MSI2: variants seen among roughly 807,000 people sequenced by gnomAD.
MSI2 encodes musashi RNA binding protein 2.
In MSI2, 17 loss-of-function variants were observed where a neutral mutation model predicts 45.6. The ratio of observed to expected loss-of-function variants is 0.37; its 90% CI spans 0.26 to 0.56. The LOEUF is 0.56. Among genes scored for constraint, MSI2 ranks in the 20% least tolerant of loss-of-function variants. MSI2 has a pLI of 0.77. For missense variants in MSI2, 293 were observed against 444.2 expected (o/e 0.66, Z 3.06); for synonymous variants, 156 against 158.2 (o/e 0.99, Z 0.11).
intron 10 of MSI2, chr17:57,631,916 C>G: frequency 6.4e-7 from 1 of 1,560,778 alleles, no homozygotes; most frequent in South Asian, 1.2e-5. Flanking sequence ...GCCCCCGCTC[C>G]AGTCAATGCT....
At chr17:57,579,103 G>A (rs2088130929) in intron 7 of MSI2, among the ~76,000 whole-genome samples, 1 of 152,214 alleles carries the variant, frequency 6.6e-6, no homozygotes, top group African/African-American at 2.4e-5. Flanking sequence ...CATATGGTAT[G>A]TGATTATCTG....
At chr17:57,556,715 G>C (rs1055311678) in intron 7 of MSI2, among the ~76,000 whole-genome samples, 1 of 152,226 alleles carries the variant, frequency 6.6e-6, no homozygotes, top group African/African-American at 2.4e-5. Context: ...GCGGCACTAT[G>C]ACGAGGGTCA....
At chr17:57,410,084 C>A (rs1420023496) in intron 6 of MSI2, among the ~76,000 whole-genome samples, 1 of 148,770 alleles carries the variant, frequency 6.7e-6, no homozygotes, top group Non-Finnish European at 1.5e-5. Context: ...GATTCCTCCT[C>A]GTAGGGAGAA....
At chr17:57,490,014 G>C (rs1458770618) in intron 6 of MSI2, among the ~76,000 whole-genome samples, 1 of 152,124 alleles carries the variant, frequency 6.6e-6, no homozygotes, top group Non-Finnish European at 1.5e-5. Context: ...AATTCTCATA[G>C]GAGACTGAAA....
chr17:57,299,104 C>G (rs983590559), intron 5 of MSI2, among the ~76,000 whole-genome samples: 2 of 152,216 alleles, frequency 1.3e-5, no homozygotes, highest in Non-Finnish European at 2.9e-5. Context: ...TCCAGTTTTT[C>G]TTCTGCACTT....
At chr17:57,581,002 A>ATTTTTTTTTTTTTTTTT (rs1567914151) in intron 7 of MSI2, among the ~76,000 whole-genome samples, 1 of 58,248 alleles carries the variant, frequency 1.7e-5, no homozygotes, top group African/African-American at 6.6e-5. Flanking sequence ...TGAGGTCAGC[A>ATTTTTTTTTTTTTTTTT]TCTTTTTTTT....
rs551524770 is a variant in MSI2 at position 57,447,443 on chromosome 17, G to A, written c.405+45972G>A. 2.6e-5 allele frequency among the ~76,000 whole-genome samples: 4 copies of A among 152,256 alleles called. No homozygotes were observed. The Middle Eastern group carries it at 0.014, about 518-fold the overall frequency. ...TAAATCACGCTTCTCTGGAAGGGCG[G>A]CCCCTGGATAGGGGGGACCAGTTGT... On this transcript the variant is annotated intron_variant, in intron 6 of 13. Coordinates refer to ENST00000284073, the MANE Select transcript of MSI2 (RefSeq NM_138962.4).
intron 6 of MSI2, among the ~76,000 whole-genome samples, chr17:57,458,099 C>CTT (rs545653222): frequency 0.029 from 3,921 of 133,998 alleles, 250 homozygotes; most frequent in African/African-American, 0.1. Flanking sequence ...ATATATATAC[C>CTT]TTTTTTTTTT....
At chr17:57,567,921 C>T (rs2087776603) in intron 7 of MSI2, among the ~76,000 whole-genome samples, 1 of 152,186 alleles carries the variant, frequency 6.6e-6, no homozygotes, top group Non-Finnish European at 1.5e-5. Flanking sequence ...TTACTGAATC[C>T]TTCCAATAAC....
chr17:57,363,728 G>A (rs1256482210), intron 5 of MSI2, among the ~76,000 whole-genome samples: 5 of 150,406 alleles, frequency 3.3e-5, no homozygotes, highest in African/African-American at 4.9e-5. Flanking sequence ...AACAGAGTGA[G>A]ATTCTGTCTG....
chr17:57,696,817 G>A, the MSI2 span, among the ~76,000 whole-genome samples: 1 of 152,050 alleles, frequency 6.6e-6, no homozygotes, highest in African/African-American at 2.4e-5. Context: ...TTGAGTAAAG[G>A]GGTGATGTGA....
In MSI2 at chr17:57,659,663, G is replaced by A. The variant is rs545095132; in HGVS notation, c.790+7502G>A. On this transcript the variant is annotated intron_variant, in intron 11 of 13. Transcript: ENST00000284073. ...CCTTAAGTAGCCCTCTGGAGAAGCCGTGTTTTTTATGAGGGACACACCTGC... is the reference window on the plus strand; with the variant it reads ...CCTTAAGTAGCCCTCTGGAGAAGCCATGTTTTTTATGAGGGACACACCTGC... 7.9e-4 allele frequency among the ~76,000 whole-genome samples: 120 copies of A among 152,176 alleles called. 2 individuals carry two copies. Among genetic ancestry groups the A allele is most frequent in the African/African-American group, 2.7e-3 (114 of 41,502 alleles).
chr17:57,603,123 T>A (rs1906097466), intron 8 of MSI2, among the ~76,000 whole-genome samples: 1 of 152,174 alleles, frequency 6.6e-6, no homozygotes, highest in African/African-American at 2.4e-5. Flanking sequence ...CACCACTCCA[T>A]ACTCCCTCTA....
intron 5 of MSI2, among the ~76,000 whole-genome samples, chr17:57,353,807 C>G (rs778969772): frequency 6.6e-5 from 10 of 152,124 alleles, no homozygotes; most frequent in African/African-American, 2.4e-4. Context: ...TTGGACTGAC[C>G]TATTAAGTCT....
chr17:57,361,654 A>G (rs1260347432), intron 5 of MSI2, among the ~76,000 whole-genome samples: 2 of 151,928 alleles, frequency 1.3e-5, no homozygotes, highest in African/African-American at 4.8e-5. Context: ...AAATATATTT[A>G]CTATTCTTTA....
At chr17:57,538,990 T>G (rs553247426) in intron 7 of MSI2, among the ~76,000 whole-genome samples, 1 of 152,200 alleles carries the variant, frequency 6.6e-6, no homozygotes, top group Non-Finnish European at 1.5e-5. Flanking sequence ...ATAAAGGGTT[T>G]GGAACAGTCT....
chr17:57,339,270 C>T (rs950876078), intron 5 of MSI2, among the ~76,000 whole-genome samples: 3 of 152,166 alleles, frequency 2.0e-5, no homozygotes, highest in African/African-American at 7.2e-5. Flanking sequence ...AGGGGGTCGG[C>T]ATATTTAGAT....
intron 5 of MSI2, among the ~76,000 whole-genome samples, chr17:57,349,023 T>G (rs1400010149): frequency 6.6e-6 from 1 of 152,180 alleles, no homozygotes; most frequent in Non-Finnish European, 1.5e-5. Context: ...TCCTGGCCAG[T>G]AGACTAAGGA....
the MSI2 span, among the ~76,000 whole-genome samples, chr17:57,695,240 A>C: frequency 6.6e-6 from 1 of 152,188 alleles, no homozygotes; most frequent in Non-Finnish European, 1.5e-5. Context: ...TCTTTGTGGA[A>C]GGGGGCGGAA....
Sources: gnomAD v4.1 joint callset for allele counts (sites outside exome capture counted in the v4.1 genomes callset) on GRCh38, gnomAD v4.1.1 for gene constraint, MANE v1.5 for transcripts, NCBI Gene and HGNC (gene_info 2026-07-23, HGNC 2026-07-21) for gene names.